ANKRD36: variants seen among roughly 807,000 people sequenced by gnomAD.
ANKRD36 encodes the protein ankyrin repeat domain 36, also known as ankyrin repeat domain-containing protein 36A.
In ANKRD36, 179 loss-of-function variants were observed where a neutral mutation model predicts 278.1. That is an observed-to-expected ratio of 0.64 (90% CI 0.57 to 0.73). ANKRD36 has a LOEUF of 0.73. Among genes scored for constraint, ANKRD36 ranks in the 30% least tolerant of loss-of-function variants. The pLI is 0.00. For synonymous variants in ANKRD36, 320 were observed against 641.1 expected, an observed-to-expected ratio of 0.50 and a Z score of 7.57; for missense variants, 1,159 against 1,956.7, an observed-to-expected ratio of 0.59 and a Z score of 7.69.
intron 3 of ANKRD36, among the ~76,000 whole-genome samples, chr2:97,120,827 T>C (rs558863863): frequency 6.1e-4 from 93 of 152,228 alleles, no homozygotes; most frequent in African/African-American, 2.1e-3. Flanking sequence ...GTTTAGTTTG[T>C]GTCTACAAAT....
intron 26 of ANKRD36, among the ~76,000 whole-genome samples, chr2:97,183,240 C>G (rs2056676244): frequency 1.3e-5 from 2 of 151,514 alleles, no homozygotes; most frequent in South Asian, 4.2e-4. Context: ...TGCATAATAC[C>G]TCTTTGTAAT....
intron 25 of ANKRD36, 25 bp downstream of exon 25, chr2:97,181,651 T>G: frequency 1.2e-6 from 2 of 1,603,634 alleles, no homozygotes; most frequent in South Asian, 1.1e-5. Context: ...ATTTATATGT[T>G]GAACTATTAA....
intron 67 of ANKRD36, among the ~76,000 whole-genome samples, chr2:97,228,037 C>T (rs2070501131): frequency 6.6e-6 from 1 of 152,112 alleles, no homozygotes; most frequent in Non-Finnish European, 1.5e-5. Context: ...ATTTGGTTTG[C>T]CCATATTTTA....
chr2:97,113,513 T>C lies in ANKRD36; in HGVS notation c.-227T>C, dbSNP rs1209532567. 24 of 582,838 alleles carry C rather than the reference T, an allele frequency of 4.1e-5. No homozygotes were observed. Among genetic ancestry groups the C allele is most frequent in the Non-Finnish European group, 3.8e-5 (13 of 338,548 alleles). 36.1% of individuals were successfully genotyped at this position (582,838 alleles called of 1,614,324 possible). ...CCTGCACTGGGCGCGCGAGAGCTGC[T>C]AGGGCGGTTTCTCTGCCTCGGGCCT... On this transcript the variant is annotated 5_prime_UTR_variant, in exon 1 of 76. Coordinates refer to ENST00000420699, the MANE Select transcript of ANKRD36 (RefSeq NM_001354587.1).
intron 11 of ANKRD36, 27 bp from the exon 12 acceptor site, chr2:97,149,268 T>C: frequency 6.6e-7 from 1 of 1,525,954 alleles, no homozygotes; most frequent in South Asian, 1.2e-5. Flanking sequence ...AATGAGCTCA[T>C]TTTTGTAATA....
intron 46 of ANKRD36, 109 bp downstream of exon 46, chr2:97,200,634 G>C: frequency 1.2e-5 from 17 of 1,471,146 alleles, no homozygotes; most frequent in Non-Finnish European, 6.4e-6. Context: ...GATTCACCAA[G>C]CTTGAGATTC....
chr2:97,221,991 A>C (rs1157356086), intron 66 of ANKRD36, among the ~76,000 whole-genome samples: 1 of 149,332 alleles, frequency 6.7e-6, no homozygotes, highest in Non-Finnish European at 1.5e-5. Flanking sequence ...TCAGCTTTCT[A>C]CATATGGCTA....
At chr2:97,230,104 C>T (rs1271837951) in intron 67 of ANKRD36, among the ~76,000 whole-genome samples, 1 of 152,088 alleles carries the variant, frequency 6.6e-6, no homozygotes, top group African/African-American at 2.4e-5. Flanking sequence ...GTGAATCTGA[C>T]AATTATGTGT....
chr2:97,164,645 C>T (rs577252038), intron 20 of ANKRD36, among the ~76,000 whole-genome samples, 176 bp downstream of exon 20: 30 of 152,404 alleles, frequency 2.0e-4, no homozygotes, highest in African/African-American at 6.3e-4. Flanking sequence ...ATAAGGCGGA[C>T]ATTTTACACG....
At chr2:97,216,024 A>G (rs1360426683) in intron 62 of ANKRD36, among the ~76,000 whole-genome samples, 2 of 151,786 alleles carry the variant, frequency 1.3e-5, no homozygotes, top group African/African-American at 4.8e-5. Context: ...CTGTTGAGGA[A>G]AGCTGAGTGA....
chr2:97,139,652 A>G (rs2042371784), intron 6 of ANKRD36, among the ~76,000 whole-genome samples: 1 of 152,066 alleles, frequency 6.6e-6, no homozygotes, highest in Admixed American at 6.6e-5. Context: ...ATTGATTTGT[A>G]CTATATTAGA....
intron 67 of ANKRD36, among the ~76,000 whole-genome samples, chr2:97,227,565 C>G (rs2070293686): frequency 6.6e-6 from 1 of 152,124 alleles, no homozygotes; most frequent in African/African-American, 2.4e-5. Flanking sequence ...ATCATGTCGT[C>G]TGCAAACAGG....
At chr2:97,152,009 A>G in intron 13 of ANKRD36, 70 bp downstream of exon 13, 2 of 1,233,274 alleles carry the variant, frequency 1.6e-6, no homozygotes, top group Non-Finnish European at 2.3e-6. Context: ...TTTCTTTGTG[A>G]AACACAGTCT....
rs1350539006 is a variant in ANKRD36, at chr2:97,200,670, A to G, written c.2857+145A>G. 3.0e-6 allele frequency: 4 copies of G among 1,335,356 alleles called. No homozygotes were observed. In the African/African-American group the frequency reaches 4.5e-5, roughly 15 times the overall value. 82.7% of individuals were successfully genotyped at this position (1,335,356 alleles called of 1,614,324 possible). On this transcript the variant is annotated intron_variant, in intron 46 of 75. Coordinates refer to ENST00000420699, the MANE Select transcript of ANKRD36 (RefSeq NM_001354587.1). ...TTCTTTTCTAACAAGTTCTTGGGTT[A>G]TGCTGATGCTGCTTGTCTGCAGCAT...
At chr2:97,199,673 G>A (rs533090509) in intron 44 of ANKRD36, among the ~76,000 whole-genome samples, 1 of 151,888 alleles carries the variant, frequency 6.6e-6, no homozygotes, top group African/African-American at 2.4e-5. Flanking sequence ...ATCCTTCGGT[G>A]CCAAGAGTGG....
intron 22 of ANKRD36, among the ~76,000 whole-genome samples, chr2:97,177,696 A>C (rs1268338161): frequency 1.3e-5 from 2 of 151,796 alleles, no homozygotes; most frequent in Non-Finnish European, 2.9e-5. Context: ...TTAAAGACTT[A>C]AACGTTAGAC....
intron 30 of ANKRD36, among the ~76,000 whole-genome samples, chr2:97,185,997 A>C (rs2057349243): frequency 6.6e-6 from 1 of 151,828 alleles, no homozygotes; most frequent in South Asian, 2.1e-4. Flanking sequence ...GAGGGAAAAG[A>C]TGAAGTTATT....
Position 97,194,838 on chromosome 2 carries a change from C to G in ANKRD36, c.2479-7C>G, listed in dbSNP as rs532368075. 1.1e-4 allele frequency: 180 copies of G among 1,594,440 alleles called. No homozygotes were observed. The African/African-American group carries it at 1.7e-3, about 15-fold the overall frequency. On this transcript the variant is annotated splice_polypyrimidine_tract_variant and splice_region_variant and intron_variant, in intron 39 of 75. Coordinates refer to ENST00000420699, the MANE Select transcript of ANKRD36 (RefSeq NM_001354587.1). ...TTATTTATTATTTTGTTTCAAATTC[C>G]ACTCAGGCTACAAGTGATGAGAAGG... is the stretch of plus-strand genomic sequence containing the variant.
Position 97,118,193 on chromosome 2 carries a change from A to G in ANKRD36, c.312+15A>G, listed in dbSNP as rs2036001188. On this transcript the variant is annotated intron_variant, in intron 2 of 75. Transcript: ENST00000420699. ...CTCTGATCAAGGTATATAGTAGCTG[A>G]CTCTTTGAGCATGAGATGGATTTGG... The G allele has an allele frequency of 3.2e-6, 5 of 1,582,346 alleles. No individual in the cohort carries two copies. The highest frequency in any genetic ancestry group is 4.3e-6 in the Non-Finnish European group (5 of 1,162,686).
Sources: gnomAD v4.1 joint callset for allele counts (sites outside exome capture counted in the v4.1 genomes callset) on GRCh38, gnomAD v4.1.1 for gene constraint, MANE v1.5 for transcripts, NCBI Gene and HGNC (gene_info 2026-07-23, HGNC 2026-07-21) for gene names.